Variants in FRMD3 observed in about 807,000 individuals in gnomAD.
FRMD3 encodes the protein FERM domain-containing protein 3.
A neutral mutation model predicts 70.2 loss-of-function variants in FRMD3; 33 were observed. The observed-to-expected ratio is 0.47, with a 90% CI of 0.36 to 0.63. FRMD3 has a LOEUF of 0.63. Among genes scored for constraint, FRMD3 ranks in the 20% least tolerant of loss-of-function variants. The pLI, the probability that FRMD3 is intolerant of heterozygous loss-of-function variation, is 0.00. For missense variants in FRMD3, 632 were observed against 711.4 expected, an observed-to-expected ratio of 0.89 and a Z score of 1.27; for synonymous variants, 279 against 255.9, an observed-to-expected ratio of 1.09 and a Z score of -0.86.
intron 1 of FRMD3, among the ~76,000 whole-genome samples, chr9:83,398,142 G>A (rs902746779): frequency 6.6e-6 from 1 of 152,136 alleles, no homozygotes; most frequent in Non-Finnish European, 1.5e-5. Flanking sequence ...AAGCCTATTT[G>A]TGTAAATTCA....
intron 1 of FRMD3, among the ~76,000 whole-genome samples, chr9:83,429,139 A>G (rs908238762): frequency 2.0e-5 from 3 of 152,246 alleles, no homozygotes; most frequent in African/African-American, 7.2e-5. Context: ...ATATTCACAT[A>G]AAGAGGAAAT....
At chr9:83,442,221 A>G (rs575948060) in intron 1 of FRMD3, among the ~76,000 whole-genome samples, 1 of 151,532 alleles carries the variant, frequency 6.6e-6, no homozygotes, top group East Asian at 1.9e-4. Flanking sequence ...TTAAGTCCTT[A>G]CAAAAACCAC....
rs1832074712 is a variant in FRMD3 at position 83,246,004 on chromosome 9, A to C, written c.*1914T>G. 1.0e-6 allele frequency: 1 copy of C among 985,130 alleles called. No homozygotes were observed. Among genetic ancestry groups the C allele is most frequent in the African/African-American group, 1.7e-5 (1 of 57,194 alleles). The allele number at this position is 985,130 out of a possible 1,614,324, so 61.0% of individuals were successfully genotyped here. ...TCACTGAAAGCATATAGGAAAGGAA[A>C]CCCCTCAAACTTAATGGCAAATATA... On this transcript the variant is annotated 3_prime_UTR_variant, in exon 14 of 14. Transcript: ENST00000304195.
At chr9:83,340,042 T>C (rs1036786516) in intron 5 of FRMD3, among the ~76,000 whole-genome samples, 5 of 152,178 alleles carry the variant, frequency 3.3e-5, no homozygotes, top group African/African-American at 1.2e-4. Context: ...TCTGAGTTTA[T>C]TAAAAACAGT....
At chr9:83,554,845 TCA>T in the FRMD3 span, among the ~76,000 whole-genome samples, 2 of 152,214 alleles carry the variant, frequency 1.3e-5, no homozygotes, top group East Asian at 3.9e-4. Context: ...GGCACCCACG[TCA>T]CAGTCTGGTC....
At chr9:83,401,405 T>C (rs1825946911) in intron 1 of FRMD3, among the ~76,000 whole-genome samples, 1 of 152,204 alleles carries the variant, frequency 6.6e-6, no homozygotes, top group Non-Finnish European at 1.5e-5. Flanking sequence ...ACTCTTCATC[T>C]CAGAAATGGG....
chr9:83,361,589 A>C, intron 3 of FRMD3, among the ~76,000 whole-genome samples: 1 of 152,214 alleles, frequency 6.6e-6, no homozygotes, highest in East Asian at 1.9e-4. Context: ...AAAGAGGCTA[A>C]AGAAAAATGC....
chr9:83,403,973 C>T (rs1826026236), intron 1 of FRMD3, among the ~76,000 whole-genome samples: 1 of 152,036 alleles, frequency 6.6e-6, no homozygotes, highest in Admixed American at 6.6e-5. Flanking sequence ...CGAAGGTTCC[C>T]AGTAGTCAGG....
chr9:83,279,932 G>A lies in FRMD3; in HGVS notation c.1195+10671C>T, dbSNP rs138034733. ...GTCTACCTATGTAACAAACATGCACGTTCTGTACATGTATCCTGGAACTTA... is the reference window on the plus strand; with the variant it reads ...GTCTACCTATGTAACAAACATGCACATTCTGTACATGTATCCTGGAACTTA... On this transcript the variant is annotated intron_variant, in intron 13 of 13. Coordinates refer to ENST00000304195, the MANE Select transcript of FRMD3 (RefSeq NM_174938.6). 4.3e-3 allele frequency among the ~76,000 whole-genome samples: 650 copies of A among 152,204 alleles called. 6 individuals are homozygous for A. Among genetic ancestry groups the A allele is most frequent in the African/African-American group, 0.014 (602 of 41,542 alleles).
chr9:83,580,935 GAAGAA>G, the FRMD3 span, among the ~76,000 whole-genome samples: 1 of 151,958 alleles, frequency 6.6e-6, no homozygotes, highest in Non-Finnish European at 1.5e-5. Flanking sequence ...AAAAACTTCA[GAAGAA>G]AACAAAGCAT....
chr9:83,395,820 C>T (rs967973566), intron 1 of FRMD3, among the ~76,000 whole-genome samples: 1 of 150,872 alleles, frequency 6.6e-6, no homozygotes, highest in Non-Finnish European at 1.5e-5. Flanking sequence ...CCTAAAACTC[C>T]AAGCGAGGTT....
the FRMD3 span, among the ~76,000 whole-genome samples, chr9:83,583,969 T>G: frequency 6.6e-6 from 1 of 152,178 alleles, no homozygotes; most frequent in Non-Finnish European, 1.5e-5. Flanking sequence ...TGGCCTTGCC[T>G]CTTCAGCCTC....
chr9:83,552,249 C>A, the FRMD3 span, among the ~76,000 whole-genome samples: 1 of 152,084 alleles, frequency 6.6e-6, no homozygotes, highest in Non-Finnish European at 1.5e-5. Context: ...CATTCAGGGG[C>A]TTGTTGTTTA....
At chr9:83,573,539 G>A in the FRMD3 span, among the ~76,000 whole-genome samples, 2 of 152,040 alleles carry the variant, frequency 1.3e-5, no homozygotes, top group African/African-American at 4.8e-5. Flanking sequence ...AGAAATAGTG[G>A]GACCCCAGGA....
intron 10 of FRMD3, among the ~76,000 whole-genome samples, chr9:83,300,809 G>A (rs1204486109): frequency 3.3e-5 from 5 of 152,098 alleles, no homozygotes; most frequent in Non-Finnish European, 5.9e-5. Flanking sequence ...TGAATGTACA[G>A]ATGTACGAAG....
chr9:83,545,206 T>C, the FRMD3 span, among the ~76,000 whole-genome samples: 9 of 152,042 alleles, frequency 5.9e-5, no homozygotes, highest in African/African-American at 1.9e-4. Flanking sequence ...CATCTGGAAA[T>C]GAAACAGTCA....
At chr9:83,418,782 T>G (rs1366316736) in intron 1 of FRMD3, among the ~76,000 whole-genome samples, 1 of 152,212 alleles carries the variant, frequency 6.6e-6, no homozygotes, top group East Asian at 1.9e-4. Context: ...CTACTGGGTA[T>G]CTACCCAGAG....
chr9:83,468,715 G>C (rs1828194747), intron 1 of FRMD3, among the ~76,000 whole-genome samples: 1 of 152,190 alleles, frequency 6.6e-6, no homozygotes, highest in African/African-American at 2.4e-5. Context: ...TAGTAAATGT[G>C]TCCGTGGAAA....
intron 2 of FRMD3, among the ~76,000 whole-genome samples, chr9:83,379,683 C>T (rs1587795541): frequency 1.3e-5 from 2 of 152,144 alleles, no homozygotes; most frequent in Admixed American, 6.5e-5. Context: ...AGCAGCCTGA[C>T]GCTTTTTAGG....
Sources: gnomAD v4.1 joint callset for allele counts (sites outside exome capture counted in the v4.1 genomes callset) on GRCh38, gnomAD v4.1.1 for gene constraint, MANE v1.5 for transcripts, NCBI Gene and HGNC (gene_info 2026-07-23, HGNC 2026-07-21) for gene names.